Variants in AGMO observed in about 807,000 individuals in gnomAD.
AGMO encodes the protein glyceryl-ether monooxygenase.
AGMO carries 75 observed loss-of-function variants against 60.2 expected under a neutral mutation model. That is an observed-to-expected ratio of 1.25 (90% CI 1.03 to 1.51). The LOEUF (loss-of-function observed/expected upper bound fraction) is 1.51. Among genes scored for constraint, AGMO ranks in the 40% most tolerant of loss-of-function variants. The pLI is 0.00. For missense variants in AGMO, 763 were observed against 525.5 expected (o/e 1.45, Z -4.42); for synonymous variants, 261 against 177.1 (o/e 1.47, Z -3.76).
At chr7:15,395,472 T>A (rs28550342) in intron 5 of AGMO, among the ~76,000 whole-genome samples, 1 of 152,126 alleles carries the variant, frequency 6.6e-6, no homozygotes, top group Admixed American at 6.5e-5. Flanking sequence ...AGGGTATTAA[T>A]AGGAAAAAAT....
chr7:15,516,696 T>A (rs1783815879), intron 3 of AGMO, among the ~76,000 whole-genome samples: 1 of 152,094 alleles, frequency 6.6e-6, no homozygotes, highest in Non-Finnish European at 1.5e-5. Flanking sequence ...CTTCTGTATA[T>A]CCAAAAACTG....
chr7:15,517,643 T>C (rs1201144725), intron 3 of AGMO, among the ~76,000 whole-genome samples: 2 of 152,016 alleles, frequency 1.3e-5, no homozygotes, highest in Admixed American at 1.3e-4. Flanking sequence ...CCAGACGCTA[T>C]GCTTTTCCCA....
rs1028178821 is a variant in AGMO at position 15,408,574 on chromosome 7, G to T, written c.609+9984C>A. ...GGCTGTGTTATTAACAATTATGCCA[G>T]AAAAAATAGGTACACATTGGGGCTC... On this transcript the variant is annotated intron_variant, in intron 5 of 12. Coordinates refer to ENST00000342526, the MANE Select transcript of AGMO (RefSeq NM_001004320.2). Among the ~76,000 whole-genome samples, 6 of 151,770 alleles carry T rather than the reference G, an allele frequency of 4.0e-5. No individual in the cohort carries two copies. The East Asian group carries it at 7.7e-4, about 20-fold the overall frequency.
At chr7:15,495,637 A>T (rs1171233291) in intron 3 of AGMO, among the ~76,000 whole-genome samples, 1 of 152,178 alleles carries the variant, frequency 6.6e-6, no homozygotes, top group Non-Finnish European at 1.5e-5. Context: ...GTAACAAAAT[A>T]CCATAAACTG....
At chr7:15,175,795 A>C in the AGMO span, among the ~76,000 whole-genome samples, 60 of 152,122 alleles carry the variant, frequency 3.9e-4, no homozygotes, top group African/African-American at 1.4e-3. Flanking sequence ...TTATTTTCAA[A>C]TTAATTCATC....
rs1180101597 is a variant in AGMO, at chr7:15,387,560, A to G, written c.823-20T>C. On this transcript the variant is annotated intron_variant, in intron 8 of 12. Transcript: ENST00000342526. ...ATGGAACTAGAAACAATAAAAAAAG[A>G]GCTTATTTCACATAAGATAAATAGG... The G allele has an allele frequency of 1.3e-6, 2 of 1,564,866 alleles. No individual in the cohort carries two copies. Among genetic ancestry groups the G allele is most frequent in the Admixed American group, 3.7e-5 (2 of 53,814 alleles).
At chr7:15,476,479 T>C (rs1782595623) in intron 3 of AGMO, among the ~76,000 whole-genome samples, 1 of 152,096 alleles carries the variant, frequency 6.6e-6, no homozygotes, top group African/African-American at 2.4e-5. Flanking sequence ...GCGGTGGTTG[T>C]TTTATTTTCA....
rs199707904 is a variant in AGMO at position 15,385,436 on chromosome 7, T to C, written c.1074+10A>G. 4.8e-4 allele frequency: 718 copies of C among 1,495,560 alleles called. 1 individual carries two copies. The highest frequency in any genetic ancestry group is 6.2e-4 in the Non-Finnish European group (671 of 1,076,754). The allele number at this position is 1,495,560 out of a possible 1,614,324, so 92.6% of individuals were successfully genotyped here. A position where few individuals can be genotyped will look rare whatever the true frequency, so the allele number is the denominator to read the frequency against. On this transcript the variant is annotated intron_variant, in intron 10 of 12. Transcript: ENST00000342526. ...ATGTTCTCACACTACTTAAAATGGA[T>C]ATTACTTACAGCTGTATCTGCAAAG...
chr7:15,411,916 TTAGA>T (rs1325471982), intron 5 of AGMO, among the ~76,000 whole-genome samples: 2 of 152,078 alleles, frequency 1.3e-5, no homozygotes, highest in African/African-American at 4.8e-5. Flanking sequence ...ATTTTGAAGA[TTAGA>T]TAAATACTCT....
chr7:15,430,644 A>C (rs73068531), intron 4 of AGMO, among the ~76,000 whole-genome samples: 29,242 of 144,044 alleles, frequency 0.2, 3,080 homozygotes, highest in African/African-American at 0.24. Context: ...AAAAAAAAAA[A>C]AACTGGTAAA....
the AGMO span, among the ~76,000 whole-genome samples, chr7:15,125,653 G>C: frequency 1.3e-5 from 2 of 151,670 alleles, no homozygotes; most frequent in African/African-American, 4.8e-5. Context: ...CATCAGCTTA[G>C]AAAAAAGAGG....
the AGMO span, among the ~76,000 whole-genome samples, chr7:15,175,764 G>T: frequency 4.0e-5 from 6 of 151,772 alleles, no homozygotes; most frequent in Non-Finnish European, 7.4e-5. Context: ...TTTAAGGAAA[G>T]CATAGTATAT....
the AGMO span, among the ~76,000 whole-genome samples, chr7:15,123,816 T>C: frequency 6.6e-6 from 1 of 152,082 alleles, no homozygotes. Context: ...ATAAAATCAT[T>C]GATGAGTTTA....
At chr7:15,340,959 A>C (rs1031365066) in intron 12 of AGMO, among the ~76,000 whole-genome samples, 4 of 152,106 alleles carry the variant, frequency 2.6e-5, no homozygotes. Context: ...AATGCCAGCC[A>C]ATGAAAGCAG....
chr7:15,223,738 C>T (rs966367115), intron 12 of AGMO, among the ~76,000 whole-genome samples: 8 of 151,876 alleles, frequency 5.3e-5, no homozygotes, highest in Non-Finnish European at 8.8e-5. Context: ...TTTCCTATAT[C>T]TTTATTAATA....
chr7:15,472,276 A>G (rs1157907296), intron 3 of AGMO, among the ~76,000 whole-genome samples: 2 of 151,934 alleles, frequency 1.3e-5, no homozygotes, highest in Non-Finnish European at 2.9e-5. Flanking sequence ...TGATTTTCTA[A>G]TGAATTCATT....
In AGMO at chr7:15,468,460, T is replaced by C. The variant is rs1022625845; in HGVS notation, c.410-37352A>G. On this transcript the variant is annotated intron_variant, in intron 3 of 12. Transcript: ENST00000342526. ...TAGTCATATCAATTGTATAATTATA[T>C]GTACATGTATAACACATAGCTGTAC... is the stretch of plus-strand genomic sequence containing the variant. Among the ~76,000 whole-genome samples the C allele has an allele frequency of 4.6e-5, 7 of 152,132 alleles. No individual in the cohort carries two copies. In the South Asian group the frequency reaches 6.2e-4, roughly 13 times the overall value.
chr7:15,148,537 T>C, the AGMO span, among the ~76,000 whole-genome samples: 1 of 152,118 alleles, frequency 6.6e-6, no homozygotes, highest in South Asian at 2.1e-4. Flanking sequence ...TTTATGTTCA[T>C]GTGTACTCAA....
At chr7:15,225,665 GCTT>G (rs1418382066) in intron 12 of AGMO, among the ~76,000 whole-genome samples, 2 of 151,820 alleles carry the variant, frequency 1.3e-5, no homozygotes, top group African/African-American at 4.8e-5. Context: ...ATATTATTGA[GCTT>G]CTATTATGAT....
Sources: allele counts gnomAD v4.1 joint callset (sites outside exome capture counted in the v4.1 genomes callset), GRCh38; gene constraint gnomAD v4.1.1; transcripts MANE v1.5; gene names NCBI Gene and HGNC (gene_info 2026-07-23, HGNC 2026-07-21).